RAPGEF4: variants seen among roughly 807,000 people sequenced by gnomAD.
RAPGEF4 encodes Rap guanine nucleotide exchange factor 4.
A neutral mutation model predicts 147.9 loss-of-function variants in RAPGEF4; 66 were observed. The ratio of observed to expected loss-of-function variants is 0.45; its 90% CI spans 0.37 to 0.55. The LOEUF (loss-of-function observed/expected upper bound fraction) is 0.55, where lower values mean the gene tolerates loss of function less well. Among genes scored for constraint, RAPGEF4 ranks in the 20% least tolerant of loss-of-function variants. RAPGEF4 has a pLI of 0.00. For synonymous variants in RAPGEF4, 419 were observed against 442.7 expected, an observed-to-expected ratio of 0.95 and a Z score of 0.67; for missense variants, 1,071 against 1,257.3, an observed-to-expected ratio of 0.85 and a Z score of 2.24.
intron 4 of RAPGEF4, among the ~76,000 whole-genome samples, chr2:172,892,781 G>A (rs145179580): frequency 5.9e-4 from 90 of 152,220 alleles, no homozygotes; most frequent in Non-Finnish European, 9.7e-4. Flanking sequence ...CAAATGAGCC[G>A]CATTTAGGCT....
chr2:172,941,638 A>G (rs1687170522), intron 6 of RAPGEF4, among the ~76,000 whole-genome samples: 1 of 152,166 alleles, frequency 6.6e-6, no homozygotes. Context: ...GTTTATGGGC[A>G]GAGATTTCTC....
rs188503476 is a variant in RAPGEF4 at position 172,743,449 on chromosome 2, A to G, written c.65+7401A>G. 3.3e-5 allele frequency among the ~76,000 whole-genome samples: 5 copies of G among 152,204 alleles called. No individual in the cohort carries two copies. In the East Asian group the frequency reaches 9.7e-4, roughly 29 times the overall value. On this transcript the variant is annotated intron_variant, in intron 1 of 30. Transcript: ENST00000397081. Reference sequence around the variant, plus strand: ...ATGCCAGCTCTTTCTTGGCGCAACTATCTGTTTCCTTTGCTGTAACTGCTC... The same window carrying G: ...ATGCCAGCTCTTTCTTGGCGCAACTGTCTGTTTCCTTTGCTGTAACTGCTC...
chr2:172,835,404 A>C (rs1406571259), intron 4 of RAPGEF4, among the ~76,000 whole-genome samples: 2 of 152,250 alleles, frequency 1.3e-5, no homozygotes, highest in Non-Finnish European at 2.9e-5. Context: ...ATATCCAACA[A>C]TATGCATGCT....
At chr2:172,746,514 G>A (rs953502738) in intron 1 of RAPGEF4, among the ~76,000 whole-genome samples, 11 of 152,106 alleles carry the variant, frequency 7.2e-5, no homozygotes, top group South Asian at 4.1e-4. Flanking sequence ...ATGCTTATCC[G>A]TGAGTGAAAT....
In RAPGEF4 at chr2:172,782,827, T is replaced by C. The variant is rs141028038; in HGVS notation, c.66-12198T>C. 1.3e-3 allele frequency among the ~76,000 whole-genome samples: 199 copies of C among 152,320 alleles called. 1 individual carries two copies. The highest frequency in any genetic ancestry group is 4.4e-3 in the African/African-American group (183 of 41,572). ...GGACAATTATGGTAGACTTCTATTT[T>C]ATGTGCTGTTTGGGATCCAATAAGC... is the stretch of plus-strand genomic sequence containing the variant. On this transcript the variant is annotated intron_variant, in intron 1 of 30. Coordinates refer to ENST00000397081, the MANE Select transcript of RAPGEF4 (RefSeq NM_007023.4).
intron 13 of RAPGEF4, 34 bp from the exon 14 acceptor site, chr2:172,988,659 G>T: frequency 6.3e-7 from 1 of 1,589,934 alleles, no homozygotes; most frequent in South Asian, 1.1e-5. Context: ...CTATTTCAGG[G>T]ATCTTCTTCA....
intron 4 of RAPGEF4, among the ~76,000 whole-genome samples, chr2:172,916,676 A>G (rs991056552): frequency 6.6e-6 from 1 of 152,228 alleles, no homozygotes; most frequent in African/African-American, 2.4e-5. Flanking sequence ...ATGAGAAGAA[A>G]AAAAGAATTT....
intron 2 of RAPGEF4, 94 bp from the exon 3 acceptor site, chr2:172,797,431 T>G: frequency 1.0e-6 from 1 of 973,084 alleles, no homozygotes. Flanking sequence ...CTCAGTTAGG[T>G]CCAAGACATG....
chr2:172,879,235 C>T (rs755426933), intron 4 of RAPGEF4, among the ~76,000 whole-genome samples: 10 of 152,108 alleles, frequency 6.6e-5, no homozygotes, highest in Non-Finnish European at 1.5e-4. Context: ...GTTTAAAAAA[C>T]TGAGAGATCT....
intron 4 of RAPGEF4, among the ~76,000 whole-genome samples, chr2:172,875,603 CTA>C (rs1476297812): frequency 2.6e-5 from 4 of 152,100 alleles, no homozygotes; most frequent in Admixed American, 1.3e-4. Context: ...TTCCATTGTT[CTA>C]TATCTCTGTT....
chr2:172,781,359 G>A (rs1265227230), intron 1 of RAPGEF4, among the ~76,000 whole-genome samples: 2 of 152,124 alleles, frequency 1.3e-5, no homozygotes, highest in African/African-American at 4.8e-5. Context: ...GGTGGCTCAC[G>A]AGGGCAGGGT....
At chr2:173,020,126 T>C (rs1202777251) in intron 22 of RAPGEF4, among the ~76,000 whole-genome samples, 2 of 152,228 alleles carry the variant, frequency 1.3e-5, no homozygotes, top group Non-Finnish European at 2.9e-5. Flanking sequence ...GAACTAATTT[T>C]TTTAATGTGG....
intron 1 of RAPGEF4, among the ~76,000 whole-genome samples, chr2:172,750,098 A>G (rs1695131843): frequency 1.3e-5 from 2 of 151,846 alleles, no homozygotes; most frequent in Non-Finnish European, 2.9e-5. Flanking sequence ...ACTTTCCCAC[A>G]TTTTCCTGTC....
intron 4 of RAPGEF4, among the ~76,000 whole-genome samples, chr2:172,834,956 C>T (rs761569384): frequency 9.2e-5 from 14 of 152,074 alleles, no homozygotes; most frequent in Non-Finnish European, 1.9e-4. Flanking sequence ...GCTCCTATTC[C>T]GTACTTCAGT....
chr2:172,763,586 A>G (rs1696549665), intron 1 of RAPGEF4, among the ~76,000 whole-genome samples: 1 of 152,172 alleles, frequency 6.6e-6, no homozygotes, highest in Non-Finnish European at 1.5e-5. Flanking sequence ...TTTGATTATC[A>G]TCTCATTCAG....
At position 172,983,485 on chromosome 2, in the gene RAPGEF4, T is replaced by A. The variant is rs757283414; in HGVS notation, c.1005-11T>A. ...TTTTCCATATTCCTTTTTTTTTTTT[T>A]ATCTTTGTAGACCTGGCCAGAGGAC... On this transcript the variant is annotated splice_polypyrimidine_tract_variant and intron_variant, in intron 10 of 30. Transcript: ENST00000397081. The A allele has an allele frequency of 1.6e-5, 26 of 1,582,676 alleles. No homozygotes were observed. The highest frequency in any genetic ancestry group is 1.4e-4 in the African/African-American group (10 of 72,578).
intron 26 of RAPGEF4, among the ~76,000 whole-genome samples, chr2:173,032,032 C>T (rs749336422): frequency 4.6e-5 from 7 of 151,880 alleles, no homozygotes; most frequent in Middle Eastern, 3.4e-3. Flanking sequence ...GGAACAGCCA[C>T]GGAATAAAAT....
chr2:172,981,242 A>G (rs1691648968), intron 10 of RAPGEF4, among the ~76,000 whole-genome samples: 1 of 152,212 alleles, frequency 6.6e-6, no homozygotes, highest in Non-Finnish European at 1.5e-5. Context: ...AAGTAGCAAG[A>G]ACAGCAGGGC....
At chr2:172,971,312 C>CA (rs1359950715) in intron 10 of RAPGEF4, among the ~76,000 whole-genome samples, 2 of 152,148 alleles carry the variant, frequency 1.3e-5, no homozygotes, top group African/African-American at 4.8e-5. Flanking sequence ...GATGGTCTAT[C>CA]AGAGACCAGC....
Sources: gnomAD v4.1 joint callset for allele counts (sites outside exome capture counted in the v4.1 genomes callset) on GRCh38, gnomAD v4.1.1 for gene constraint, MANE v1.5 for transcripts, NCBI Gene and HGNC (gene_info 2026-07-23, HGNC 2026-07-21) for gene names.